Variants in NRCAM observed in about 807,000 individuals in gnomAD.
NRCAM encodes NgCAM-related cell adhesion molecule.
NRCAM carries 83 observed loss-of-function variants against 156.5 expected under a neutral mutation model. The observed-to-expected ratio is 0.53, with a 90% confidence interval of 0.44 to 0.64. The LOEUF (loss-of-function observed/expected upper bound fraction) is 0.64, where lower values mean the gene tolerates loss of function less well. Ranked by LOEUF, NRCAM falls within the 30% of genes least tolerant of loss-of-function variation. The pLI is 0.00. For synonymous variants in NRCAM, 538 were observed against 563.9 expected (o/e 0.95, Z 0.65); for missense variants, 1,417 against 1,597.3 (o/e 0.89, Z 1.92).
chr7:108,217,519 A>G (rs998865854), intron 11 of NRCAM, among the ~76,000 whole-genome samples: 7 of 152,204 alleles, frequency 4.6e-5, no homozygotes, highest in Middle Eastern at 3.2e-3. Context: ...CTGCGCCCAC[A>G]GCTGCCCCTT....
At chr7:108,356,772 G>A (rs2099503220) in intron 2 of NRCAM, among the ~76,000 whole-genome samples, 1 of 152,138 alleles carries the variant, frequency 6.6e-6, no homozygotes, top group South Asian at 2.1e-4. Flanking sequence ...ACAGCCTGGA[G>A]CTCCTACAGA....
At chr7:108,384,397 G>T (rs1200174323) in intron 2 of NRCAM, among the ~76,000 whole-genome samples, 1 of 152,116 alleles carries the variant, frequency 6.6e-6, no homozygotes, top group Non-Finnish European at 1.5e-5. Context: ...GGCACAAGAT[G>T]GGAGATGGGT....
intron 2 of NRCAM, among the ~76,000 whole-genome samples, chr7:108,396,093 C>A (rs1352530590): frequency 6.6e-6 from 1 of 152,176 alleles, no homozygotes; most frequent in Non-Finnish European, 1.5e-5. Flanking sequence ...TTCCACAAAC[C>A]AAGGGTCTCA....
chr7:108,388,422 T>C (rs2099748447), intron 2 of NRCAM, among the ~76,000 whole-genome samples: 1 of 152,220 alleles, frequency 6.6e-6, no homozygotes. Context: ...TTTTTTCTTG[T>C]AAATTTGTTT....
intron 2 of NRCAM, among the ~76,000 whole-genome samples, chr7:108,384,463 T>C (rs562364697): frequency 1.9e-4 from 29 of 152,270 alleles, no homozygotes; most frequent in African/African-American, 6.7e-4. Flanking sequence ...ATTTGAACTT[T>C]TAAAAACCTG....
At chr7:108,450,533 G>T (rs1324823828) in intron 1 of NRCAM, among the ~76,000 whole-genome samples, 1 of 143,296 alleles carries the variant, frequency 7.0e-6, no homozygotes, top group African/African-American at 2.6e-5. Flanking sequence ...TAAACATTCA[G>T]CATAAGAATA....
chr7:108,316,866 C>CT (rs965045632), intron 2 of NRCAM, among the ~76,000 whole-genome samples: 1 of 152,060 alleles, frequency 6.6e-6, no homozygotes, highest in Non-Finnish European at 1.5e-5. Context: ...TGCCCTCTCT[C>CT]TGTCATGTAA....
intron 13 of NRCAM, 140 bp downstream of exon 13, chr7:108,207,388 G>T: frequency 2.8e-6 from 2 of 703,852 alleles, no homozygotes; most frequent in Non-Finnish European, 4.6e-6. Flanking sequence ...AAAATGCAAA[G>T]GTAATTTGGT....
At chr7:108,370,335 C>G (rs2099620384) in intron 2 of NRCAM, among the ~76,000 whole-genome samples, 1 of 152,148 alleles carries the variant, frequency 6.6e-6, no homozygotes, top group South Asian at 2.1e-4. Flanking sequence ...TTGCGTCTTA[C>G]TTTCTATGCC....
chr7:108,201,953 G>A (rs139113575), intron 13 of NRCAM, among the ~76,000 whole-genome samples: 122 of 152,236 alleles, frequency 8.0e-4, no homozygotes, highest in African/African-American at 2.7e-3. Flanking sequence ...GAACTGTCAC[G>A]GTGACATATG....
chr7:108,326,432 A>G (rs955415731), intron 2 of NRCAM, among the ~76,000 whole-genome samples: 2 of 152,144 alleles, frequency 1.3e-5, no homozygotes, highest in East Asian at 1.9e-4. Flanking sequence ...AAGCATTCCA[A>G]TTTTCACTTG....
intron 1 of NRCAM, among the ~76,000 whole-genome samples, chr7:108,432,038 G>A (rs974340332): frequency 2.6e-5 from 4 of 152,208 alleles, no homozygotes; most frequent in African/African-American, 9.6e-5. Context: ...GAGGGAAGAA[G>A]ACAGGCAATG....
At chr7:108,432,691 T>A (rs952314108) in intron 1 of NRCAM, among the ~76,000 whole-genome samples, 1 of 152,154 alleles carries the variant, frequency 6.6e-6, no homozygotes, top group South Asian at 2.1e-4. Flanking sequence ...TCACTTGAGA[T>A]CAAGAGTTCG....
intron 3 of NRCAM, among the ~76,000 whole-genome samples, chr7:108,275,150 T>C (rs946709510): frequency 6.6e-6 from 1 of 152,258 alleles, no homozygotes; most frequent in Non-Finnish European, 1.5e-5. Context: ...CAGTATTTTA[T>C]TGAGGATTTT....
At chr7:108,387,664 A>G (rs921860273) in intron 2 of NRCAM, among the ~76,000 whole-genome samples, 45 of 151,994 alleles carry the variant, frequency 3.0e-4, no homozygotes, top group African/African-American at 1.1e-3. Flanking sequence ...TGCTGCACCC[A>G]TTAACTCGTC....
intron 3 of NRCAM, among the ~76,000 whole-genome samples, chr7:108,286,509 G>T (rs1019913334): frequency 6.6e-6 from 1 of 152,100 alleles, no homozygotes; most frequent in Non-Finnish European, 1.5e-5. Context: ...GGAAGAAAAG[G>T]AATAGGAGAA....
intron 24 of NRCAM, among the ~76,000 whole-genome samples, chr7:108,180,691 G>A (rs1027104941): frequency 2.6e-5 from 4 of 152,180 alleles, no homozygotes; most frequent in Non-Finnish European, 4.4e-5. Context: ...AACAGCACGA[G>A]ACCCATGTGG....
chr7:108,330,925 C>T (rs760621036), intron 2 of NRCAM, among the ~76,000 whole-genome samples: 3 of 152,154 alleles, frequency 2.0e-5, no homozygotes, highest in Non-Finnish European at 4.4e-5. Context: ...CTCAGATTGT[C>T]CAGACCTATC....
rs10279790 is a variant in NRCAM, at chr7:108,203,565, T to A, written c.1207+3963A>T. On this transcript the variant is annotated intron_variant, in intron 13 of 32. Coordinates refer to ENST00000379028, the MANE Select transcript of NRCAM (RefSeq NM_001037132.4). ...TCCCCTCCCTGAACCAGCTTCTCCT[T>A]TTACAGTATTTATGTGCACTCGGCA... Among the ~76,000 whole-genome samples, 840 of 152,196 alleles carry A rather than the reference T, an allele frequency of 5.5e-3. 8 individuals are homozygous for A. Among genetic ancestry groups the A allele is most frequent in the African/African-American group, 0.019 (796 of 41,508 alleles).
Sources: allele counts gnomAD v4.1 joint callset (sites outside exome capture counted in the v4.1 genomes callset), GRCh38; gene constraint gnomAD v4.1.1; transcripts MANE v1.5; gene names NCBI Gene and HGNC (gene_info 2026-07-23, HGNC 2026-07-21).